The following ITGB4 variants were observed in gnomAD, a reference collection of about 807,000 sequenced individuals.
The protein encoded by ITGB4 is integrin beta-4.
Under a neutral mutation model 207.6 loss-of-function variants are expected in ITGB4, and 159 were observed. That is an observed-to-expected ratio of 0.77 (90% confidence interval 0.67 to 0.87). ITGB4 has a LOEUF of 0.87. Among genes scored for constraint, ITGB4 ranks in the 40% least tolerant of loss-of-function variants. The probability of loss-of-function intolerance (pLI) is 0.00; values close to 1 mark genes in which losing one functional copy is unlikely to be tolerated. For synonymous variants in ITGB4, 1,020 were observed against 1,062.7 expected (o/e 0.96, Z 0.78); for missense variants, 2,278 against 2,546.8 (o/e 0.89, Z 2.27).
At chr17:75,735,207 C>A (rs1319895684) in intron 13 of ITGB4, among the ~76,000 whole-genome samples, 2 of 151,846 alleles carry the variant, frequency 1.3e-5, no homozygotes, top group Non-Finnish European at 2.9e-5. Context: ...CCTGCCTCAG[C>A]CTCCCAAGAA....
At chr17:75,724,635 G>A in intron 1 of ITGB4, 59 bp from the exon 2 acceptor site, 1 of 1,266,384 alleles carries the variant, frequency 7.9e-7, no homozygotes, top group South Asian at 1.2e-5. Context: ...GCGAGAGGAA[G>A]CTGACGGCAC....
intron 23 of ITGB4, among the ~76,000 whole-genome samples, chr17:75,741,709 G>A (rs1424736109): frequency 1.3e-5 from 2 of 152,088 alleles, no homozygotes; most frequent in Non-Finnish European, 2.9e-5. Context: ...GGGAGGCTGA[G>A]GCAGGAGAAT....
chr17:75,755,108 C>G, intron 34 of ITGB4: 1 of 1,607,136 alleles, frequency 6.2e-7, no homozygotes, highest in Non-Finnish European at 8.5e-7. Flanking sequence ...GTCCTGGGCC[C>G]TGGGGTCCCG....
Position 75,733,518 on chromosome 17 carries a change from G to T in ITGB4, c.1483G>T (p.Gly495Cys). Reference sequence around the variant, plus strand: ...TGGCCAGACCTGCAACTGCTCCACCGGCTCTCTGAGTGACATTCAGCCCTG... The same window carrying T: ...TGGCCAGACCTGCAACTGCTCCACCTGCTCTCTGAGTGACATTCAGCCCTG... ...WSGQTCNCST[G>C]SLSDIQPCLR... The change falls in exon 13 of 40, where the codon GGC becomes TGC. Residue 495 changes from glycine (G) to cysteine (C), a missense_variant. Coordinates refer to ENST00000200181, the MANE Select transcript of ITGB4 (RefSeq NM_000213.5). 6.2e-7 allele frequency: 1 copy of T among 1,613,522 alleles called. No homozygotes were observed. Among genetic ancestry groups the T allele is most frequent in the Non-Finnish European group, 8.5e-7 (1 of 1,180,034 alleles).
At chr17:75,741,342 G>A (rs2061104892) in intron 23 of ITGB4, among the ~76,000 whole-genome samples, 1 of 152,096 alleles carries the variant, frequency 6.6e-6, no homozygotes, top group African/African-American at 2.4e-5. Context: ...CCTGATCTTG[G>A]GTGCACCTCT....
At chr17:75,723,371 C>T (rs1024123855) in intron 1 of ITGB4, among the ~76,000 whole-genome samples, 7 of 152,340 alleles carry the variant, frequency 4.6e-5, no homozygotes, top group Non-Finnish European at 1.0e-4. Context: ...AAGAGCTGGG[C>T]TCAGCTCTCC....
chr17:75,754,097 G>A (rs921625206), intron 33 of ITGB4, 123 bp downstream of exon 33: 2 of 446,054 alleles, frequency 4.5e-6, no homozygotes, highest in Non-Finnish European at 7.6e-6. Flanking sequence ...GGGCCTTGGC[G>A]GCTGGGAGCA....
At position 75,732,383 on chromosome 17, in the gene ITGB4, G is replaced by T. The variant is rs1236526110; in HGVS notation, c.1454+144G>T. 41 of 773,276 alleles carry T rather than the reference G, an allele frequency of 5.3e-5. No individual in the cohort carries two copies. In the South Asian group the frequency reaches 5.9e-4, roughly 11 times the overall value. The allele number at this position is 773,276 out of a possible 1,614,324, so 47.9% of individuals were successfully genotyped here. On this transcript the variant is annotated intron_variant, in intron 12 of 39. Transcript: ENST00000200181. This position sits in a 1 kb window ranked among gnomAD's most constrained non-coding sequence, Gnocchi z 5.3. ...AATCAAAGAAACGGCTAAGGGCGGG[G>T]CACACCCAGTTGTTGGTCAAACCCA...
intron 18 of ITGB4, among the ~76,000 whole-genome samples, chr17:75,738,282 A>G (rs1285693659): frequency 6.7e-6 from 1 of 150,110 alleles, no homozygotes; most frequent in Non-Finnish European, 1.5e-5. Flanking sequence ...TCTTAGCCCG[A>G]GTCATCCTGG....
At chr17:75,744,038 C>T (rs2061178878) in intron 26 of ITGB4, among the ~76,000 whole-genome samples, 177 bp downstream of exon 26, 1 of 151,896 alleles carries the variant, frequency 6.6e-6, no homozygotes, top group Non-Finnish European at 1.5e-5. Context: ...GCAGGGGAGT[C>T]TCACCTGCCC....
rs372673929 is a variant in ITGB4 at position 75,737,954 on chromosome 17, C to T, written c.2220+310C>T. 3.2e-3 allele frequency among the ~76,000 whole-genome samples: 491 copies of T among 152,200 alleles called. 5 individuals carry two copies. Among genetic ancestry groups the T allele is most frequent in the African/African-American group, 0.011 (466 of 41,514 alleles). On this transcript the variant is annotated intron_variant, in intron 18 of 39. Transcript: ENST00000200181. ...GGTCCCCAACCCCCACCAGGGTCCCCAGCCTCTCCACCCACCATCCCCACT... is the reference window on the plus strand; with the variant it reads ...GGTCCCCAACCCCCACCAGGGTCCCTAGCCTCTCCACCCACCATCCCCACT...
Position 75,743,582 on chromosome 17 carries a change from A to G in ITGB4, c.2963-131A>G, listed in dbSNP as rs2061165597. The G allele has an allele frequency of 1.7e-5, 21 of 1,232,936 alleles. No individual in the cohort carries two copies. In the East Asian group the frequency reaches 4.9e-4, roughly 29 times the overall value. 76.4% of individuals were successfully genotyped at this position (1,232,936 alleles called of 1,614,324 possible). On this transcript the variant is annotated intron_variant, in intron 25 of 39. Coordinates refer to ENST00000200181, the MANE Select transcript of ITGB4 (RefSeq NM_000213.5). ...TCCGTTTCGCTCCTGTGCCCTTCCC[A>G]GAGGGCAATGCATAGAGGGAACCAA...
chr17:75,741,044 C>A, intron 23 of ITGB4, 39 bp downstream of exon 23: 1 of 1,601,194 alleles, frequency 6.2e-7, no homozygotes, highest in Non-Finnish European at 8.5e-7. Flanking sequence ...CCCCCACTTC[C>A]TGCCCGCCTG....
chr17:75,742,924 G>A lies in ITGB4; in HGVS notation c.2962+163G>A, dbSNP rs780350805. ...GTAAAATGGGTAAGGGCTCTTTTAC[G>A]GAATGCGTGGCTGTTCACCTCGCCA... On this transcript the variant is annotated intron_variant, in intron 25 of 39. Transcript: ENST00000200181. This position sits in a 1 kb window ranked among gnomAD's most constrained non-coding sequence, Gnocchi z 5.9. 2.4e-4 allele frequency among the ~76,000 whole-genome samples: 37 copies of A among 152,162 alleles called. No homozygotes were observed. Among genetic ancestry groups the A allele is most frequent in the African/African-American group, 8.2e-4 (34 of 41,426 alleles).
In ITGB4 at chr17:75,730,257, G is replaced by T. The variant is rs933021387; in HGVS notation, c.755G>T (p.Arg252Leu). The part of the protein sequence containing the change: ...TAVCTRDIGW[R>L]PDSTHLLVFS... ...CTTCCCCAGAGGGACATTGGCTGGC[G>T]CCCGGACAGCACCCACCTGCTGGTC... Residue 252 changes from arginine (R) to leucine (L), a missense_variant, in exon 8 of 40, where the codon CGC (arginine) becomes CTC (leucine). Arg to Leu is a moderately radical substitution (Grantham distance 102, BLOSUM62 -2). Coordinates refer to ENST00000200181, the MANE Select transcript of ITGB4 (RefSeq NM_000213.5). The T allele has an allele frequency of 4.3e-6, 7 of 1,612,714 alleles. No individual in the cohort carries two copies. In the African/African-American group the frequency reaches 8.0e-5, roughly 18 times the overall value.
chr17:75,752,337 G>A lies in ITGB4; in HGVS notation c.3957G>A (p.Gln1319=), dbSNP rs1568380164. The A allele has an allele frequency of 8.7e-6, 14 of 1,612,564 alleles. No homozygotes were observed. Among genetic ancestry groups the A allele is most frequent in the Non-Finnish European group, 1.2e-5 (14 of 1,179,762 alleles). ...EREAIINLAT[Q]PKRPMSIPII... is the part of the protein sequence containing the mutation. ...AGGCCATCATCAACCTGGCCACCCA[G>A]CCCAAGAGGCCCATGTCCAGTGAGT... The change falls in exon 31 of 40, where the codon CAG becomes CAA. Residue 1319 remains glutamine (Q), a synonymous_variant. Coordinates refer to ENST00000200181, the MANE Select transcript of ITGB4 (RefSeq NM_000213.5).
rs372120901 is a variant in ITGB4 at position 75,740,025 on chromosome 17, G to A, written c.2400G>A (p.Arg800=). ...GGAAGGTCACCAACAACATGCAGCGGCCTGGCTTTGCCACTCATGCCGCCA... is the reference window on the plus strand; with the variant it reads ...GGAAGGTCACCAACAACATGCAGCGACCTGGCTTTGCCACTCATGCCGCCA... The part of the protein sequence containing the change: ...VRWKVTNNMQ[R]PGFATHAASI... The change falls in exon 20 of 40, where the codon CGG becomes CGA. Residue 800 remains arginine, a synonymous_variant. Transcript: ENST00000200181. The surrounding 1 kb of genome is among the most constrained non-coding windows in gnomAD (Gnocchi z 5.9). The A allele has an allele frequency of 6.2e-7, 1 of 1,612,982 alleles. No homozygotes were observed. Among genetic ancestry groups the A allele is most frequent in the South Asian group, 1.1e-5 (1 of 91,080 alleles).
intron 1 of ITGB4, among the ~76,000 whole-genome samples, 157 bp downstream of exon 1, chr17:75,721,769 G>A (rs1175094146): frequency 6.6e-6 from 1 of 152,220 alleles, no homozygotes; most frequent in Non-Finnish European, 1.5e-5. Context: ...GGTGCGCCGG[G>A]GGCAGCTGGC....
chr17:75,724,835 G>A, intron 2 of ITGB4, 53 bp downstream of exon 2: 1 of 1,455,024 alleles, frequency 6.9e-7, no homozygotes, highest in South Asian at 1.1e-5. Context: ...CCCTTGGGCA[G>A]GCATTGCCCT....
Sources: gnomAD v4.1 joint callset for allele counts (sites outside exome capture counted in the v4.1 genomes callset) on GRCh38, gnomAD v4.1.1 for gene constraint, Gnocchi (gnomAD v3.1) non-coding constraint, MANE v1.5 for transcripts, NCBI Gene and HGNC (gene_info 2026-07-23, HGNC 2026-07-21) for gene names.